NXPE3: variants seen among roughly 807,000 people sequenced by gnomAD.
The protein encoded by NXPE3 is neurexophilin and PC-esterase domain family member 3, also known as NXPE family member 3.
Under a neutral mutation model 46.1 loss-of-function variants are expected in NXPE3, and 26 were observed. The ratio of observed to expected loss-of-function variants is 0.56; its 90% CI spans 0.41 to 0.78. NXPE3 has a LOEUF of 0.78. Ranked by LOEUF, NXPE3 falls within the 30% of genes least tolerant of loss-of-function variation. The probability of loss-of-function intolerance (pLI) is 0.00; values close to 1 mark genes in which losing one functional copy is unlikely to be tolerated. For synonymous variants in NXPE3, 272 were observed against 257.9 expected (o/e 1.05, Z -0.52); for missense variants, 620 against 686.0 (o/e 0.90, Z 1.07).
At chr3:101,794,383 T>G (rs1189511134) in intron 4 of NXPE3, among the ~76,000 whole-genome samples, 5 of 152,160 alleles carry the variant, frequency 3.3e-5, no homozygotes, top group Non-Finnish European at 7.3e-5. Context: ...GGGAAAGATA[T>G]CCTGATGGTT....
intron 7 of NXPE3, among the ~76,000 whole-genome samples, chr3:101,819,327 T>G (rs1184121975): frequency 6.6e-6 from 1 of 152,242 alleles, no homozygotes. Flanking sequence ...CAGAGTTTTT[T>G]AGGAATAACA....
At chr3:101,782,822 G>A (rs144005260) in intron 3 of NXPE3, 42 bp downstream of exon 3, 1 of 151,900 alleles carries the variant, frequency 6.6e-6, no homozygotes. Context: ...AAAATTTTTT[G>A]TGTGTGTGGA....
At position 101,816,957 on chromosome 3, in the gene NXPE3, C is replaced by T; in HGVS notation, c.1085C>T (p.Ser362Leu). Residue 362 changes from serine to leucine, a missense_variant, in exon 7 of 8, where the codon TCA becomes TTA. By Grantham distance (145) the Ser-to-Leu change is moderately radical (BLOSUM62 -2). Around this residue, in one of 3 missense-constraint regions of NXPE3, gnomAD observed 511 missense variants for 528.6 expected, o/e 0.97. Transcript: ENST00000273347. ...QRKVVHLFGD[S>L]TIRQWFEYLT... The stretch of plus-strand genomic sequence containing the variant: ...AAAGTGGTGCATTTATTTGGTGACT[C>T]AACAATCAGGCAATGGTTTGAATAC... The T allele has an allele frequency of 6.2e-7, 1 of 1,614,110 alleles. No individual in the cohort carries two copies. The highest frequency in any genetic ancestry group is 8.5e-7 in the Non-Finnish European group (1 of 1,179,992).
chr3:101,795,778 T>C (rs966676675), intron 4 of NXPE3, among the ~76,000 whole-genome samples: 1 of 152,156 alleles, frequency 6.6e-6, no homozygotes, highest in Admixed American at 6.6e-5. Context: ...TAGAAGTCAG[T>C]AGATAGGTTG....
In NXPE3 at chr3:101,821,444, TC is replaced by T. The variant is rs1169323645; in HGVS notation, c.1173del (p.Phe392SerfsTer38). ...ACTTGGGTAGTCCCAAGAATGTGGG[TC>T]CCTTCCTTGCAGTGGACCAGAAGCA... The part of the protein sequence containing the change: ...FNLGSPKNVG[P>X]FLAVDQKHNI... On this transcript the variant is annotated frameshift_variant, in exon 8 of 8. Coordinates refer to ENST00000273347, the MANE Select transcript of NXPE3 (RefSeq NM_145037.4). LOFTEE classifies it high-confidence loss of function. 8 of 1,614,152 alleles carry T rather than the reference TC, an allele frequency of 5.0e-6. No homozygotes were observed. Among genetic ancestry groups the T allele is most frequent in the Non-Finnish European group, 6.8e-6 (8 of 1,180,026 alleles).
intron 4 of NXPE3, among the ~76,000 whole-genome samples, chr3:101,788,595 T>C (rs1221561659): frequency 6.6e-6 from 1 of 152,222 alleles, no homozygotes; most frequent in Non-Finnish European, 1.5e-5. Context: ...CTTAGTTATT[T>C]TTAGGTGTAC....
intron 4 of NXPE3, among the ~76,000 whole-genome samples, chr3:101,791,036 A>G (rs933251021): frequency 3.9e-5 from 6 of 152,146 alleles, no homozygotes; most frequent in Admixed American, 3.3e-4. Context: ...GTTTGTGTAC[A>G]TATTATTTCA....
intron 7 of NXPE3, 130 bp from the exon 8 acceptor site, chr3:101,821,274 T>TTACATTTA (rs1218783486): frequency 1.4e-6 from 1 of 690,948 alleles, no homozygotes; most frequent in Non-Finnish European, 2.4e-6. Flanking sequence ...GGTATTCCCT[T>TTACATTTA]TACATTTATA....
chr3:101,792,649 C>T (rs1234351105), intron 4 of NXPE3, among the ~76,000 whole-genome samples: 1 of 152,146 alleles, frequency 6.6e-6, no homozygotes, highest in African/African-American at 2.4e-5. Context: ...CAGTACTATT[C>T]TGTTTTGGTT....
chr3:101,822,151 A>G lies in NXPE3; in HGVS notation c.*197A>G, dbSNP rs1212057761. On this transcript the variant is annotated 3_prime_UTR_variant, in exon 8 of 8. Coordinates refer to ENST00000273347, the MANE Select transcript of NXPE3 (RefSeq NM_145037.4). ...ATATCTACCTATAGGATTTTATCCA[A>G]TGTTGACTTAGCCATGGTAGAACTC... 7.0e-6 allele frequency: 4 copies of G among 568,406 alleles called. No individual in the cohort carries two copies. The highest frequency in any genetic ancestry group is 5.7e-5 in the East Asian group (2 of 35,332). The allele number at this position is 568,406 out of a possible 1,614,324, so 35.2% of individuals were successfully genotyped here.
At position 101,798,602 on chromosome 3, in the gene NXPE3, A is replaced by AT. The variant is rs1185080144; in HGVS notation, c.94-2619dup. On this transcript the variant is annotated intron_variant, in intron 4 of 7. Coordinates refer to ENST00000273347, the MANE Select transcript of NXPE3 (RefSeq NM_145037.4). The stretch of plus-strand genomic sequence containing the variant: ...TATGTGTGTCTATATATATATATAT[A>AT]TTTTTTTTTTTTTTCTTTTAAAGTT... Among the ~76,000 whole-genome samples the AT allele has an allele frequency of 4.6e-3, 649 of 141,718 alleles. 3 individuals carry two copies. The highest frequency in any genetic ancestry group is 0.012 in the African/African-American group (452 of 38,610). The allele number at this position is 141,718 out of a possible 152,430, so 93.0% of individuals were successfully genotyped here.
intron 7 of NXPE3, 74 bp from the exon 8 acceptor site, chr3:101,821,330 A>T: frequency 7.6e-7 from 1 of 1,315,028 alleles, no homozygotes; most frequent in Non-Finnish European, 1.1e-6. Flanking sequence ...ATTTGAAGCC[A>T]CTTAATAAGG....
At position 101,826,167 on chromosome 3, in the gene NXPE3, A is replaced by T. The variant is rs545131257; in HGVS notation, c.*4213A>T. The T allele has an allele frequency of 1.3e-5, 2 of 152,346 alleles. No homozygotes were observed. The highest frequency in any genetic ancestry group is 4.1e-4 in the South Asian group (2 of 4,834). The allele number at this position is 152,346 out of a possible 1,614,324, so 9.4% of individuals were successfully genotyped here. A position where few individuals can be genotyped will look rare whatever the true frequency, so the allele number is the denominator to read the frequency against. ...AACTTAGTTTGCAGATTGGTAAATC[A>T]GGGTACTTGACAAGAATAAATATGG... On this transcript the variant is annotated 3_prime_UTR_variant, in exon 8 of 8. Transcript: ENST00000273347.
chr3:101,815,818 A>G (rs1301918969), intron 6 of NXPE3, among the ~76,000 whole-genome samples: 1 of 152,182 alleles, frequency 6.6e-6, no homozygotes, highest in Non-Finnish European at 1.5e-5. Flanking sequence ...CAACGTGATG[A>G]AACCCTATCT....
At chr3:101,798,360 G>A (rs1021841504) in intron 4 of NXPE3, among the ~76,000 whole-genome samples, 4 of 151,868 alleles carry the variant, frequency 2.6e-5, no homozygotes, top group Admixed American at 2.0e-4. Flanking sequence ...AATAAATGTT[G>A]GCTGTTTCTG....
intron 4 of NXPE3, among the ~76,000 whole-genome samples, chr3:101,786,763 A>G (rs1940208397): frequency 6.6e-6 from 1 of 152,130 alleles, no homozygotes; most frequent in African/African-American, 2.4e-5. Context: ...CTCTTTTTTT[A>G]AAGTATTTTT....
chr3:101,807,511 A>T (rs1288637215), intron 6 of NXPE3, among the ~76,000 whole-genome samples: 1 of 151,634 alleles, frequency 6.6e-6, no homozygotes, highest in African/African-American at 2.4e-5. Flanking sequence ...TTTTGCAGAG[A>T]CAAATTTTTG....
chr3:101,798,116 T>C (rs1371853124), intron 4 of NXPE3, among the ~76,000 whole-genome samples: 1 of 148,720 alleles, frequency 6.7e-6, no homozygotes, highest in Non-Finnish European at 1.5e-5. Flanking sequence ...TGATTGCCAT[T>C]CTAACTGGTG....
intron 4 of NXPE3, among the ~76,000 whole-genome samples, chr3:101,788,168 C>G (rs1437059051): frequency 6.6e-6 from 1 of 152,154 alleles, no homozygotes; most frequent in African/African-American, 2.4e-5. Flanking sequence ...ATCTTTCTAT[C>G]ATGTGCTTTT....
Sources: allele counts gnomAD v4.1 joint callset (sites outside exome capture counted in the v4.1 genomes callset), GRCh38; gene constraint gnomAD v4.1.1; regional missense constraint gnomAD v4.1.1; transcripts MANE v1.5; gene names NCBI Gene and HGNC (gene_info 2026-07-23, HGNC 2026-07-21).